Variants in TNRC6A observed in about 807,000 individuals in gnomAD.
The protein encoded by TNRC6A is trinucleotide repeat-containing gene 6A protein.
A neutral mutation model predicts 221.2 loss-of-function variants in TNRC6A; 44 were observed. That is an observed-to-expected ratio of 0.20 (90% CI 0.16 to 0.26). The LOEUF (loss-of-function observed/expected upper bound fraction) is 0.26. Among genes scored for constraint, TNRC6A ranks in the 10% least tolerant of loss-of-function variants. TNRC6A has a pLI of 1.00. For synonymous variants in TNRC6A, 847 were observed against 838.5 expected (o/e 1.01, Z -0.18); for missense variants, 2,199 against 2,404.4 (o/e 0.91, Z 1.79).
chr16:24,690,180 T>G (rs556135547), intron 2 of TNRC6A, among the ~76,000 whole-genome samples: 1 of 151,914 alleles, frequency 6.6e-6, no homozygotes, highest in East Asian at 1.9e-4. Context: ...CAGCTAATTT[T>G]TGTATTCTTT....
At chr16:24,738,422 A>G (rs1294890360) in intron 2 of TNRC6A, among the ~76,000 whole-genome samples, 3 of 152,026 alleles carry the variant, frequency 2.0e-5, no homozygotes, top group African/African-American at 4.8e-5. Context: ...CCTTCACCCA[A>G]AAACCCCATA....
chr16:24,621,083 CAA>C (rs56266931), intron 1 of TNRC6A, among the ~76,000 whole-genome samples: 320 of 42,670 alleles, frequency 7.5e-3, no homozygotes, highest in Non-Finnish European at 0.012. Context: ...GACGCCGTCT[CAA>C]AAAAAAAAAA....
intron 7 of TNRC6A, among the ~76,000 whole-genome samples, 170 bp from the exon 8 acceptor site, chr16:24,794,374 T>G (rs1280340151): frequency 6.6e-6 from 1 of 152,210 alleles, no homozygotes; most frequent in African/African-American, 2.4e-5. Context: ...CATGGAAGGT[T>G]TAGCTCAGTA....
chr16:24,699,722 CA>C (rs10713054), intron 2 of TNRC6A, among the ~76,000 whole-genome samples: 32,547 of 96,324 alleles, frequency 0.34, 3,712 homozygotes, highest in South Asian at 0.54. Context: ...CTGTCTCTAC[CA>C]AAAAAAAAAA....
Position 24,820,418 on chromosome 16 carries a change from C to T in TNRC6A, c.5302+58C>T, listed in dbSNP as rs1399471074. ...TTTATTTGCTAAACGCTAACCAGTA[C>T]TAACAGTCGAGTTTAACAGAGACCT... On this transcript the variant is annotated intron_variant, in intron 22 of 24. Transcript: ENST00000395799. 3.1e-5 allele frequency: 46 copies of T among 1,497,098 alleles called. No homozygotes were observed. The South Asian group carries it at 5.0e-4, about 16-fold the overall frequency. 92.7% of individuals were successfully genotyped at this position (1,497,098 alleles called of 1,614,324 possible).
intron 17 of TNRC6A, among the ~76,000 whole-genome samples, chr16:24,808,820 C>T (rs568061121): frequency 1.3e-5 from 2 of 152,228 alleles, no homozygotes; most frequent in Admixed American, 6.5e-5. Context: ...TATTAATAGT[C>T]CCTAGATTAC....
rs192170115 is a variant in TNRC6A at position 24,610,885 on chromosome 16, G to A, written n.276+401G>A. On this transcript the variant is annotated intron_variant and non_coding_transcript_variant, in intron 1 of 2. Transcript: ENST00000566108. ...GAGTGCAGTGGCGCAATCTCGGCTC[G>A]CTGCAACCTCTGCCTTCCGGGTTCA... 1.8e-3 allele frequency among the ~76,000 whole-genome samples: 267 copies of A among 151,810 alleles called. 1 individual carries two copies. The highest frequency in any genetic ancestry group is 6.1e-3 in the African/African-American group (253 of 41,418).
intron 2 of TNRC6A, among the ~76,000 whole-genome samples, chr16:24,656,974 TTAAA>T (rs2054925220): frequency 6.6e-6 from 1 of 151,768 alleles, no homozygotes; most frequent in Non-Finnish European, 1.5e-5. Flanking sequence ...GAAATAAATG[TTAAA>T]TAAAACCATG....
intron 1 of TNRC6A, among the ~76,000 whole-genome samples, chr16:24,638,722 C>A (rs1271473243): frequency 1.3e-5 from 2 of 148,736 alleles, no homozygotes; most frequent in East Asian, 2.0e-4. Flanking sequence ...AAAAAAAAAA[C>A]AAAAAACAAA....
chr16:24,802,023 A>C (rs972330236), intron 11 of TNRC6A, among the ~76,000 whole-genome samples: 1 of 152,210 alleles, frequency 6.6e-6, no homozygotes, highest in African/African-American at 2.4e-5. Flanking sequence ...GCTCTTAAAC[A>C]ACTGTGAAAG....
chr16:24,708,013 C>T (rs2056129435), intron 2 of TNRC6A, among the ~76,000 whole-genome samples: 1 of 151,322 alleles, frequency 6.6e-6, no homozygotes, highest in Non-Finnish European at 1.5e-5. Context: ...GAGCTGAGAT[C>T]GTGCCACTGC....
intron 17 of TNRC6A, among the ~76,000 whole-genome samples, chr16:24,807,408 G>C (rs557409000): frequency 6.6e-6 from 1 of 152,172 alleles, no homozygotes; most frequent in Non-Finnish European, 1.5e-5. Context: ...TCTTAAGTAG[G>C]ATATTAAGGG....
rs371732609 is a variant in TNRC6A, at chr16:24,776,961, C to G, written c.192C>G (p.Ser64Arg). 6.2e-7 allele frequency: 1 copy of G among 1,613,868 alleles called. No homozygotes were observed. Among genetic ancestry groups the G allele is most frequent in the Non-Finnish European group, 8.5e-7 (1 of 1,179,944 alleles). Reference protein sequence around the residue: ...KVPEQIKPSVSQPQPANSNNG... With the variant: ...KVPEQIKPSVRQPQPANSNNG... ...CAGAACAGATAAAGCCCAGTGTAAGCCAGCCTCAGCCTGCCAACTCTAATA... is the reference window on the plus strand; with the variant it reads ...CAGAACAGATAAAGCCCAGTGTAAGGCAGCCTCAGCCTGCCAACTCTAATA... The change falls in exon 5 of 25, where the codon AGC becomes AGG. Residue 64 changes from serine (S) to arginine (R), a missense_variant. By Grantham distance (110) the Ser-to-Arg change is moderately radical (BLOSUM62 -1). Coordinates refer to ENST00000395799, the MANE Select transcript of TNRC6A (RefSeq NM_014494.4).
At position 24,825,873 on chromosome 16, in the gene TNRC6A, G is replaced by T. The variant is rs1326671550; in HGVS notation, c.*2066G>T. On this transcript the variant is annotated 3_prime_UTR_variant, in exon 25 of 25. Transcript: ENST00000395799. ...CTTTTCTTCCCCCTTCACGGCCCTC[G>T]CTTCTCCCTGCAGGAGCTCGGGGGC... is the stretch of plus-strand genomic sequence containing the variant. 5.2e-5 allele frequency: 8 copies of T among 152,662 alleles called. No individual in the cohort carries two copies. Among genetic ancestry groups the T allele is most frequent in the African/African-American group, 1.9e-4 (8 of 41,454 alleles). The allele number at this position is 152,662 out of a possible 1,614,324, so 9.5% of individuals were successfully genotyped here. A position where few individuals can be genotyped will look rare whatever the true frequency, so the allele number is the denominator to read the frequency against.
intron 2 of TNRC6A, chr16:24,661,410 T>G (rs1276481481): frequency 6.6e-6 from 1 of 151,864 alleles, no homozygotes; most frequent in Non-Finnish European, 1.5e-5. Context: ...TTAAATTGCT[T>G]TGTTTTGTTT....
intron 11 of TNRC6A, among the ~76,000 whole-genome samples, chr16:24,799,393 A>C (rs547300457): frequency 1.3e-5 from 2 of 152,254 alleles, no homozygotes; most frequent in African/African-American, 2.4e-5. Context: ...TGGCAACGCA[A>C]CTCTGTATTT....
intron 2 of TNRC6A, among the ~76,000 whole-genome samples, chr16:24,722,320 G>A (rs867505811): frequency 4.6e-5 from 7 of 152,214 alleles, no homozygotes; most frequent in Middle Eastern, 3.4e-3. Context: ...AAGCTGAGAC[G>A]GGAGGATCAG....
At chr16:24,727,923 T>C (rs1230328354), upstream of TNRC6A, among the ~76,000 whole-genome samples, 2 of 151,836 alleles carry the variant, frequency 1.3e-5, no homozygotes, top group East Asian at 1.9e-4. Context: ...TTTGTAAACC[T>C]GATTTTTTTT....
At chr16:24,702,425 A>T (rs2056004886) in intron 2 of TNRC6A, among the ~76,000 whole-genome samples, 1 of 151,422 alleles carries the variant, frequency 6.6e-6, no homozygotes, top group Non-Finnish European at 1.5e-5. Flanking sequence ...CAAGCCACCC[A>T]CCTCAGCCTC....
Sources: gnomAD v4.1 joint callset for allele counts (sites outside exome capture counted in the v4.1 genomes callset) on GRCh38, gnomAD v4.1.1 for gene constraint, MANE v1.5 for transcripts, NCBI Gene and HGNC (gene_info 2026-07-23, HGNC 2026-07-21) for gene names.